Variants in KIAA0825 observed in about 807,000 individuals in gnomAD.
KIAA0825 encodes KIAA0825.
In KIAA0825, 119 loss-of-function variants were observed where a neutral mutation model predicts 147.6. The observed-to-expected ratio is 0.81, with a 90% confidence interval of 0.69 to 0.94. The LOEUF is 0.94. KIAA0825 is among the 40% of genes least tolerant of loss of function. KIAA0825 has a pLI of 0.00. For missense variants in KIAA0825, 1,381 were observed against 1,472.7 expected (o/e 0.94, Z 1.02); for synonymous variants, 470 against 518.1 (o/e 0.91, Z 1.26).
At chr5:94,451,409 T>C (rs1271392559) in intron 13 of KIAA0825, among the ~76,000 whole-genome samples, 2 of 152,186 alleles carry the variant, frequency 1.3e-5, no homozygotes, top group African/African-American at 2.4e-5. Flanking sequence ...AGAAACAGAA[T>C]TGTTAGATAA....
chr5:94,285,255 A>C (rs1419194043), intron 20 of KIAA0825, among the ~76,000 whole-genome samples: 2 of 152,184 alleles, frequency 1.3e-5, no homozygotes, highest in Non-Finnish European at 2.9e-5. Context: ...GATGTATTCC[A>C]AGTGCCTAAA....
chr5:94,539,994 C>T (rs1696637355), intron 2 of KIAA0825, among the ~76,000 whole-genome samples: 1 of 152,112 alleles, frequency 6.6e-6, no homozygotes, highest in Non-Finnish European at 1.5e-5. Context: ...AACTTGAGAG[C>T]TGATGGAACT....
rs568140316 is a variant in KIAA0825, at chr5:94,600,424, T to G, written c.-152-17841A>C. On this transcript the variant is annotated intron_variant, in intron 1 of 20. Transcript: ENST00000682413. ...CCTTACATATATTATATTCCTTATA[T>G]TTCCTTATATATTTCCTTATGTGTA... 2.8e-4 allele frequency among the ~76,000 whole-genome samples: 42 copies of G among 151,862 alleles called. No individual in the cohort carries two copies. The South Asian group carries it at 3.8e-3, about 14-fold the overall frequency.
chr5:94,453,481 C>A (rs1758698258), intron 12 of KIAA0825, among the ~76,000 whole-genome samples: 1 of 151,944 alleles, frequency 6.6e-6, no homozygotes, highest in African/African-American at 2.4e-5. Flanking sequence ...GCCACTGTGC[C>A]CGGCTCAGTT....
intron 12 of KIAA0825, among the ~76,000 whole-genome samples, chr5:94,457,507 C>T (rs2150932695): frequency 6.6e-6 from 1 of 152,322 alleles, no homozygotes; most frequent in East Asian, 1.9e-4. Flanking sequence ...TTGCCTTTGT[C>T]CTTCCTCCAG....
chr5:94,449,497 T>A (rs1461182584), intron 13 of KIAA0825, among the ~76,000 whole-genome samples: 3 of 152,070 alleles, frequency 2.0e-5, no homozygotes, highest in African/African-American at 7.2e-5. Context: ...GAAATCATGA[T>A]CAAGACTGTA....
chr5:94,601,784 A>G (rs1051903523), intron 1 of KIAA0825, among the ~76,000 whole-genome samples: 2 of 152,250 alleles, frequency 1.3e-5, no homozygotes, highest in African/African-American at 4.8e-5. Flanking sequence ...ACAGGAGGAA[A>G]GAATCTCAGA....
intron 6 of KIAA0825, among the ~76,000 whole-genome samples, chr5:94,483,068 C>T (rs934342007): frequency 6.6e-6 from 1 of 151,900 alleles, no homozygotes; most frequent in African/African-American, 2.4e-5. Flanking sequence ...CACATTGCCT[C>T]ATCTTAATCT....
chr5:94,173,647 G>C (rs954513716), intron 20 of KIAA0825, among the ~76,000 whole-genome samples: 2 of 152,110 alleles, frequency 1.3e-5, no homozygotes, highest in East Asian at 1.9e-4. Flanking sequence ...GTATTCTATT[G>C]GTTACAAAGG....
At chr5:94,210,530 C>T (rs148805748) in intron 20 of KIAA0825, among the ~76,000 whole-genome samples, 366 of 152,138 alleles carry the variant, frequency 2.4e-3, no homozygotes, top group African/African-American at 8.2e-3. Context: ...CTTAGGAAAC[C>T]GGCTCTGCAA....
At chr5:94,227,937 A>G (rs1009223992) in intron 20 of KIAA0825, among the ~76,000 whole-genome samples, 1 of 152,162 alleles carries the variant, frequency 6.6e-6, no homozygotes, top group African/African-American at 2.4e-5. Flanking sequence ...CATGTTGTGC[A>G]CATGTACCCT....
intron 1 of KIAA0825, among the ~76,000 whole-genome samples, chr5:94,595,836 A>G (rs990677968): frequency 6.6e-6 from 1 of 152,088 alleles, no homozygotes; most frequent in African/African-American, 2.4e-5. Context: ...CTTCCACTAG[A>G]TGGTCTAAAT....
chr5:94,240,960 G>GTT (rs1356745406), intron 20 of KIAA0825, among the ~76,000 whole-genome samples: 1 of 152,030 alleles, frequency 6.6e-6, no homozygotes, highest in Non-Finnish European at 1.5e-5. Flanking sequence ...TAAATAAAAG[G>GTT]TTGCCTGGTA....
At chr5:94,190,491 ATTTTTTTTTTT>A (rs70975895) in intron 20 of KIAA0825, among the ~76,000 whole-genome samples, 242 of 106,274 alleles carry the variant, frequency 2.3e-3, no homozygotes, top group Middle Eastern at 0.014. Flanking sequence ...ACGCCCAGCT[ATTTTTTTTTTT>A]TTTTTTTTTT....
intron 2 of KIAA0825, chr5:94,568,986 C>A (rs1779297391): frequency 6.0e-6 from 1 of 167,142 alleles, no homozygotes; most frequent in Non-Finnish European, 1.3e-5. Context: ...CACCAACAAA[C>A]AAGGTTCAAC....
At chr5:94,335,451 GTA>G (rs986978557) in intron 20 of KIAA0825, among the ~76,000 whole-genome samples, 10 of 152,070 alleles carry the variant, frequency 6.6e-5, no homozygotes, top group African/African-American at 2.2e-4. Context: ...TATTTTCAGT[GTA>G]TTGCCACCAT....
chr5:94,499,154 T>A (rs2151106584), intron 5 of KIAA0825, among the ~76,000 whole-genome samples: 1 of 152,256 alleles, frequency 6.6e-6, no homozygotes, highest in African/African-American at 2.4e-5. Flanking sequence ...AGGGTGGAGC[T>A]GGGATGGAGA....
intron 17 of KIAA0825, among the ~76,000 whole-genome samples, chr5:94,393,944 G>A (rs1437975645): frequency 2.0e-5 from 3 of 151,864 alleles, no homozygotes; most frequent in Non-Finnish European, 2.9e-5. Flanking sequence ...CGCCTCCCGG[G>A]TTCAAGCGAT....
At chr5:94,428,698 G>C (rs1584466617) in intron 14 of KIAA0825, among the ~76,000 whole-genome samples, 1 of 152,040 alleles carries the variant, frequency 6.6e-6, no homozygotes, top group Non-Finnish European at 1.5e-5. Context: ...CTTTAGCCTT[G>C]ATCTTGGATA....
Sources: allele counts gnomAD v4.1 joint callset (sites outside exome capture counted in the v4.1 genomes callset), GRCh38; gene constraint gnomAD v4.1.1; transcripts MANE v1.5; gene names NCBI Gene and HGNC (gene_info 2026-07-23, HGNC 2026-07-21).